The following TOX2 variants were observed in gnomAD, a reference collection of about 807,000 sequenced individuals.
TOX2 encodes the protein TOX high mobility group box family member 2.
A neutral mutation model predicts 47.4 loss-of-function variants in TOX2; 15 were observed. That is an observed-to-expected ratio of 0.32 (90% CI 0.21 to 0.49). The LOEUF (loss-of-function observed/expected upper bound fraction) is 0.49, where lower values mean the gene tolerates loss of function less well. TOX2 is among the 20% of genes least tolerant of loss of function. TOX2 has a pLI of 0.99. For synonymous variants in TOX2, 290 were observed against 296.6 expected, an observed-to-expected ratio of 0.98 and a Z score of 0.23; for missense variants, 622 against 673.1, an observed-to-expected ratio of 0.92 and a Z score of 0.84.
At chr20:44,052,919 G>A (rs888031775) in intron 4 of TOX2, among the ~76,000 whole-genome samples, 5 of 152,160 alleles carry the variant, frequency 3.3e-5, no homozygotes, top group Admixed American at 6.5e-5. Context: ...GTCACACCAC[G>A]GTGCTAACAC....
rs547505969 is a variant in TOX2, at chr20:44,059,989, G to A, written c.880-4788G>A. 3.2e-4 allele frequency among the ~76,000 whole-genome samples: 48 copies of A among 152,236 alleles called. 1 individual carries two copies. The South Asian group carries it at 8.9e-3, about 28-fold the overall frequency. On this transcript the variant is annotated intron_variant, in intron 5 of 8. Coordinates refer to ENST00000341197, the MANE Select transcript of TOX2 (RefSeq NM_001098797.2). ...GCAGAATGAATAATTGACCAACTGA[G>A]TATCTGCTGTCTTCAAGAGACTCAC... is the stretch of plus-strand genomic sequence containing the variant.
chr20:44,061,661 A>ATTT (rs2071720815), intron 5 of TOX2, among the ~76,000 whole-genome samples: 2 of 152,128 alleles, frequency 1.3e-5, no homozygotes, highest in Admixed American at 6.5e-5. Flanking sequence ...ATCTGTAAAG[A>ATTT]GGAAGTCAAA....
intron 3 of TOX2, chr20:44,039,142 G>A (rs1170481863): frequency 2.4e-6 from 3 of 1,259,516 alleles, no homozygotes; most frequent in South Asian, 2.5e-5. Context: ...GGCAACGTGT[G>A]GAGAGCTCTG....
At chr20:44,040,187 C>T (rs1032854743) in intron 3 of TOX2, among the ~76,000 whole-genome samples, 6 of 152,162 alleles carry the variant, frequency 3.9e-5, no homozygotes, top group African/African-American at 9.7e-5. Context: ...AAGCAAAACA[C>T]GTTTTGAGGT....
chr20:44,064,730 C>T, intron 5 of TOX2, 47 bp from the exon 6 acceptor site: 1 of 1,584,188 alleles, frequency 6.3e-7, no homozygotes, highest in South Asian at 1.1e-5. Flanking sequence ...CACGGCATCT[C>T]CTCTGTAACT....
intron 1 of TOX2, chr20:43,945,706 C>A: frequency 1.6e-6 from 1 of 632,524 alleles, no homozygotes. Context: ...GAGACCGCCA[C>A]CAGGAGCTCC....
intron 1 of TOX2, among the ~76,000 whole-genome samples, chr20:43,967,711 A>G (rs2069883451): frequency 6.6e-6 from 1 of 152,188 alleles, no homozygotes; most frequent in Non-Finnish European, 1.5e-5. Flanking sequence ...TAAACCATTC[A>G]TTAATAATCA....
chr20:44,049,672 G>A lies in TOX2; in HGVS notation c.412-1634G>A, dbSNP rs2071474652. ...CCTTGCCCCCTCAACGCGCCCCAGT[G>A]TGTAGTTCCCCTCCCTGTGTCTAAG... On this transcript the variant is annotated intron_variant, in intron 3 of 8. Coordinates refer to ENST00000341197, the MANE Select transcript of TOX2 (RefSeq NM_001098797.2). 3.3e-5 allele frequency among the ~76,000 whole-genome samples: 5 copies of A among 152,132 alleles called. No homozygotes were observed. The South Asian group carries it at 1.0e-3, about 32-fold the overall frequency.
At chr20:44,057,126 G>C (rs564408109) in intron 5 of TOX2, among the ~76,000 whole-genome samples, 1 of 152,114 alleles carries the variant, frequency 6.6e-6, no homozygotes, top group Non-Finnish European at 1.5e-5. Flanking sequence ...GTCTTGCTGT[G>C]TTGCTCAGGC....
chr20:43,928,986 A>AAAAAAAAAAAAAAAAAAAAAAAAC, intron 1 of TOX2, among the ~76,000 whole-genome samples: 1 of 149,922 alleles, frequency 6.7e-6, no homozygotes, highest in African/African-American at 2.5e-5. Context: ...AATATGAAAA[A>AAAAAAAAAAAAAAAAAAAAAAAAC]AAAAAAAAAA....
chr20:43,966,689 G>A (rs570906042), intron 1 of TOX2, among the ~76,000 whole-genome samples: 31 of 151,938 alleles, frequency 2.0e-4, no homozygotes, highest in Middle Eastern at 3.4e-3. Context: ...GGGAGGTGGA[G>A]GTTGCAGTGA....
At chr20:44,011,296 G>T (rs1223512863) in intron 3 of TOX2, among the ~76,000 whole-genome samples, 1 of 152,176 alleles carries the variant, frequency 6.6e-6, no homozygotes, top group African/African-American at 2.4e-5. Flanking sequence ...AGCCTTCATT[G>T]AGTGCCCACT....
chr20:43,946,839 T>C (rs1304179261), intron 1 of TOX2, among the ~76,000 whole-genome samples: 1 of 152,158 alleles, frequency 6.6e-6, no homozygotes, highest in Non-Finnish European at 1.5e-5. Context: ...GGCTTGTTGC[T>C]GTTGATGGTG....
intron 3 of TOX2, among the ~76,000 whole-genome samples, chr20:44,044,793 T>C (rs2145730178): frequency 6.6e-6 from 1 of 152,282 alleles, no homozygotes; most frequent in South Asian, 2.1e-4. Context: ...CTCGAGAGAA[T>C]TGAAAGCAGA....
chr20:43,945,446 G>A (rs2069451980), intron 1 of TOX2, among the ~76,000 whole-genome samples: 1 of 152,204 alleles, frequency 6.6e-6, no homozygotes, highest in South Asian at 2.1e-4. Flanking sequence ...ACATCCTTGG[G>A]CATGCATCCA....
intron 2 of TOX2, among the ~76,000 whole-genome samples, chr20:43,992,169 G>A (rs977426434): frequency 6.6e-6 from 1 of 152,176 alleles, no homozygotes; most frequent in Non-Finnish European, 1.5e-5. Context: ...CCAAGGCCCC[G>A]CAGTGGGAGT....
At chr20:43,981,494 C>T (rs113034371) in intron 2 of TOX2, among the ~76,000 whole-genome samples, 6 of 152,250 alleles carry the variant, frequency 3.9e-5, no homozygotes, top group African/African-American at 1.2e-4. Flanking sequence ...TGGCTTTGCG[C>T]GTTGTACATG....
intron 3 of TOX2, among the ~76,000 whole-genome samples, chr20:44,032,379 C>T (rs1031191558): frequency 5.9e-5 from 9 of 152,192 alleles, no homozygotes; most frequent in Admixed American, 1.3e-4. Context: ...AGCGTCCCCG[C>T]GGTTGTAACA....
Position 43,915,309 on chromosome 20 carries a change from C to T in TOX2, c.99+319C>T, listed in dbSNP as rs1402802019. Among the ~76,000 whole-genome samples the T allele has an allele frequency of 1.3e-5, 2 of 152,176 alleles. No homozygotes were observed. Among genetic ancestry groups the T allele is most frequent in the Non-Finnish European group, 2.9e-5 (2 of 68,028 alleles). ...CGGCCAGGCACTGCTTACACGGTCC[C>T]GCCGTCCCACGCAAGTCACCCTGAC... is the stretch of plus-strand genomic sequence containing the variant. On this transcript the variant is annotated intron_variant, in intron 1 of 8. Transcript: ENST00000341197. The surrounding 1 kb of genome is among the most constrained non-coding windows in gnomAD (Gnocchi z 7.1).
Sources: allele counts gnomAD v4.1 joint callset (sites outside exome capture counted in the v4.1 genomes callset), GRCh38; gene constraint gnomAD v4.1.1; non-coding constraint Gnocchi (gnomAD v3.1); transcripts MANE v1.5; gene names NCBI Gene and HGNC (gene_info 2026-07-23, HGNC 2026-07-21).